The following ZNF484 variants were observed in gnomAD, a reference collection of about 807,000 sequenced individuals.
ZNF484 encodes zinc finger protein 484.
ZNF484 carries 11 observed loss-of-function variants against 12.9 expected under a neutral mutation model. The observed-to-expected ratio is 0.85, with a 90% confidence interval of 0.54 to 1.41. The LOEUF (loss-of-function observed/expected upper bound fraction) is 1.41. Ranked by LOEUF, ZNF484 falls within the 40% of genes most tolerant of loss-of-function variation. The probability of loss-of-function intolerance (pLI) is 0.00; values close to 1 mark genes in which losing one functional copy is unlikely to be tolerated. For synonymous variants in ZNF484, 289 were observed against 334.1 expected (o/e 0.86, Z 1.47); for missense variants, 807 against 1,007.7 (o/e 0.80, Z 2.70).
intron 2 of ZNF484, among the ~76,000 whole-genome samples, chr9:92,872,092 G>A (rs369962183): frequency 2.6e-5 from 4 of 152,064 alleles, no homozygotes; most frequent in Non-Finnish European, 5.9e-5. Context: ...TTAGCAGGGC[G>A]TGGTGGCACA....
At chr9:92,875,110 T>C (rs549509143) in intron 1 of ZNF484, 51 bp from the exon 2 acceptor site, 2 of 1,544,886 alleles carry the variant, frequency 1.3e-6, no homozygotes, top group Admixed American at 3.5e-5. Flanking sequence ...ACTGTGCCAA[T>C]GTCACACATG....
At position 92,847,329 on chromosome 9, in the gene ZNF484, G is replaced by A; in HGVS notation, c.1458C>T (p.His486=). The A allele has an allele frequency of 6.2e-7, 1 of 1,613,548 alleles. No homozygotes were observed. The highest frequency in any genetic ancestry group is 8.5e-7 in the Non-Finnish European group (1 of 1,179,844). ...VFTHKTNLII[H]QKIHTGERPY... is the part of the protein sequence containing the mutation. Reference sequence around the variant, plus strand: ...GTCTTTCTCCTGTATGAATTTTCTGGTGTATAATGAGATTTGTCTTGTGAG... The same window carrying A: ...GTCTTTCTCCTGTATGAATTTTCTGATGTATAATGAGATTTGTCTTGTGAG... Residue 486 remains histidine, a synonymous_variant, in exon 5 of 5, where the codon CAC becomes CAT. Coordinates refer to ENST00000375495, the MANE Select transcript of ZNF484 (RefSeq NM_031486.4).
chr9:92,858,251 TA>T (rs1259630379), intron 2 of ZNF484, among the ~76,000 whole-genome samples: 10 of 152,104 alleles, frequency 6.6e-5, no homozygotes, highest in African/African-American at 2.4e-4. Context: ...AATCTAAAAT[TA>T]AGAAGTCCTT....
chr9:92,862,287 T>C (rs1245307879), intron 2 of ZNF484: 1 of 261,272 alleles, frequency 3.8e-6, no homozygotes, highest in Non-Finnish European at 5.9e-6. Context: ...CTTTATGTTG[T>C]GAACATCTTC....
rs919999588 is a variant in ZNF484, at chr9:92,844,277, A to G, written c.*1951T>C. On this transcript the variant is annotated 3_prime_UTR_variant, in exon 5 of 5. Transcript: ENST00000375495. ...TCAGCAAAATTCAAGAAAAATAACC[A>G]TTAGAAAACAGGCCAACAGAACTGG... Among the ~76,000 whole-genome samples, 8 of 152,208 alleles carry G rather than the reference A, an allele frequency of 5.3e-5. No individual in the cohort carries two copies. Among genetic ancestry groups the G allele is most frequent in the African/African-American group, 1.7e-4 (7 of 41,448 alleles).
chr9:92,852,915 A>C (rs1311852573), intron 4 of ZNF484, among the ~76,000 whole-genome samples: 2 of 152,230 alleles, frequency 1.3e-5, no homozygotes, highest in Admixed American at 1.3e-4. Flanking sequence ...AATTAAAGAA[A>C]ATCTTAAAAT....
chr9:92,848,404 C>T lies in ZNF484; in HGVS notation c.383G>A (p.Cys128Tyr), dbSNP rs1453452588. ...LWKDDEHTRK[C>Y]GENQNKPLSR... Reference sequence around the variant, plus strand: ...TAAAGGTTTGTTCTGGTTTTCTCCACATTTTCTTGTGTGTTCATCGTCTTT... The same window carrying T: ...TAAAGGTTTGTTCTGGTTTTCTCCATATTTTCTTGTGTGTTCATCGTCTTT... The change falls in exon 5 of 5, where the codon TGT becomes TAT. Residue 128 changes from cysteine to tyrosine, a missense_variant. By Grantham distance (194) the Cys-to-Tyr change is radical. Coordinates refer to ENST00000375495, the MANE Select transcript of ZNF484 (RefSeq NM_031486.4). The surrounding 1 kb of genome is among the most constrained non-coding windows in gnomAD (Gnocchi z 4.1). 4.3e-6 allele frequency: 7 copies of T among 1,614,122 alleles called. No homozygotes were observed. Among genetic ancestry groups the T allele is most frequent in the Non-Finnish European group, 5.9e-6 (7 of 1,180,006 alleles).
At position 92,855,815 on chromosome 9, in the gene ZNF484, A is replaced by T. The variant is rs1222288504; in HGVS notation, c.231T>A (p.Arg77=). The change falls in exon 4 of 5, where the codon CGT becomes CGA. Residue 77 remains arginine (R), a synonymous_variant. Transcript: ENST00000375495. Reference sequence around the variant, plus strand: ...TGCTCTTGGTTCCCTTCTCACCTGGACGGCTCTGACTGGGGATCTCACCAT... The same window carrying T: ...TGCTCTTGGTTCCCTTCTCACCTGGTCGGCTCTGACTGGGGATCTCACCAT... The part of the protein sequence containing the change: ...MLDGEIPSQS[R]PDGDIGFGPL... 26 of 1,613,962 alleles carry T rather than the reference A, an allele frequency of 1.6e-5. No individual in the cohort carries two copies. The highest frequency in any genetic ancestry group is 2.2e-5 in the Non-Finnish European group (26 of 1,179,896).
intron 2 of ZNF484, among the ~76,000 whole-genome samples, chr9:92,870,465 T>C (rs1857365202): frequency 6.6e-6 from 1 of 152,216 alleles, no homozygotes; most frequent in Non-Finnish European, 1.5e-5. Context: ...CCTAGACTCC[T>C]GTATTTGCCT....
intron 4 of ZNF484, among the ~76,000 whole-genome samples, chr9:92,849,183 C>T (rs540227131): frequency 2.0e-5 from 3 of 151,548 alleles, no homozygotes; most frequent in African/African-American, 7.2e-5. Context: ...ATCACTTGAA[C>T]CCAGGAGGCA....
In ZNF484 at chr9:92,848,086, T is replaced by TG. The variant is rs1170659213; in HGVS notation, c.700dup (p.His234ProfsTer2). ...CTGTTGTTGAATGAGAGCTTGCTTATGATGCAGAGGTTTCCCACATTGGTT... is the reference window on the plus strand; with the variant it reads ...CTGTTGTTGAATGAGAGCTTGCTTATGGATGCAGAGGTTTCCCACATTGGTT... On this transcript the variant is annotated frameshift_variant, in exon 5 of 5. Coordinates refer to ENST00000375495, the MANE Select transcript of ZNF484 (RefSeq NM_031486.4). LOFTEE classifies it low-confidence loss of function (END_TRUNC). The surrounding 1 kb of genome is among the most constrained non-coding windows in gnomAD (Gnocchi z 4.1). 6.2e-7 allele frequency: 1 copy of TG among 1,614,120 alleles called. No homozygotes were observed. The highest frequency in any genetic ancestry group is 8.5e-7 in the Non-Finnish European group (1 of 1,180,054).
chr9:92,865,013 T>TCA (rs201294012), intron 2 of ZNF484, among the ~76,000 whole-genome samples: 103 of 148,734 alleles, frequency 6.9e-4, no homozygotes, highest in African/African-American at 9.2e-4. Context: ...TAGACAGAAA[T>TCA]CACACACACA....
chr9:92,871,870 A>G (rs1857453265), intron 2 of ZNF484, among the ~76,000 whole-genome samples: 3 of 152,232 alleles, frequency 2.0e-5, no homozygotes, highest in African/African-American at 7.2e-5. Context: ...CTGTCCTTAA[A>G]ATAGGAAGAT....
In ZNF484 at chr9:92,845,236, C is replaced by T. The variant is rs1400455138; in HGVS notation, c.*992G>A. 1.3e-5 allele frequency: 2 copies of T among 152,024 alleles called. No homozygotes were observed. The highest frequency in any genetic ancestry group is 1.5e-5 in the Non-Finnish European group (1 of 67,988). The allele number at this position is 152,024 out of a possible 1,614,324, so 9.4% of individuals were successfully genotyped here. On this transcript the variant is annotated 3_prime_UTR_variant, in exon 5 of 5. Coordinates refer to ENST00000375495, the MANE Select transcript of ZNF484 (RefSeq NM_031486.4). The surrounding 1 kb of genome is among the most constrained non-coding windows in gnomAD (Gnocchi z 4.0). ...AGTAGCTCTAAAGGAGACAAATTCA[C>T]AATTATTTGTAAAATTACAACACAG... is the stretch of plus-strand genomic sequence containing the variant.
rs1330297047 is a variant in ZNF484, at chr9:92,844,442, A to G, written c.*1786T>C. Among the ~76,000 whole-genome samples, 1 of 152,090 alleles carries G rather than the reference A, an allele frequency of 6.6e-6. No homozygotes were observed. Among genetic ancestry groups the G allele is most frequent in the Non-Finnish European group, 1.5e-5 (1 of 67,978 alleles). On this transcript the variant is annotated 3_prime_UTR_variant, in exon 5 of 5. Transcript: ENST00000375495. ...ACGTGCACACACACACCCCAAAACC[A>G]CTAAACCACAGATTTAAAAAACATT...
In ZNF484 at chr9:92,846,596, G is replaced by A. The variant is rs766284809; in HGVS notation, c.2191C>T (p.Gln731Ter). The part of the protein sequence containing the change: ...ICNECGKSFI[Q>*]KSHLNRHRRI... ...CTGTGTCTATTTAAGTGTGACTTCT[G>A]GATGAAGGATTTCCCACATTCATTA... is the stretch of plus-strand genomic sequence containing the variant. The change falls in exon 5 of 5, where the codon CAG becomes TAG. Residue 731 changes from glutamine (Q) to a stop codon, truncating the protein, a stop_gained. Transcript: ENST00000375495. LOFTEE classifies it low-confidence loss of function (END_TRUNC). 1.2e-6 allele frequency: 2 copies of A among 1,613,692 alleles called. No individual in the cohort carries two copies. The highest frequency in any genetic ancestry group is 3.3e-5 in the Admixed American group (2 of 59,988).
At chr9:92,867,126 G>A (rs1386927282) in intron 2 of ZNF484, among the ~76,000 whole-genome samples, 1 of 152,170 alleles carries the variant, frequency 6.6e-6, no homozygotes, top group Non-Finnish European at 1.5e-5. Flanking sequence ...AAGGTGGGTG[G>A]ATCACCTGAG....
chr9:92,850,095 C>T (rs1000446508), intron 4 of ZNF484, among the ~76,000 whole-genome samples: 4 of 152,174 alleles, frequency 2.6e-5, no homozygotes, highest in Admixed American at 2.0e-4. Flanking sequence ...GCCAGCAAGC[C>T]CAGCCAAGAC....
intron 2 of ZNF484, among the ~76,000 whole-genome samples, chr9:92,865,370 C>G (rs1857010517): frequency 6.6e-6 from 1 of 152,130 alleles, no homozygotes; most frequent in Non-Finnish European, 1.5e-5. Flanking sequence ...TCAAGCAATT[C>G]TCAAAAGAAG....
Sources: gnomAD v4.1 joint callset for allele counts (sites outside exome capture counted in the v4.1 genomes callset) on GRCh38, gnomAD v4.1.1 for gene constraint, Gnocchi (gnomAD v3.1) non-coding constraint, MANE v1.5 for transcripts, NCBI Gene and HGNC (gene_info 2026-07-23, HGNC 2026-07-21) for gene names.